Variants in SPAG16 observed in about 807,000 individuals in gnomAD.
The protein encoded by SPAG16 is sperm-associated antigen 16 protein.
SPAG16 carries 86 observed loss-of-function variants against 80.4 expected under a neutral mutation model. That is an observed-to-expected ratio of 1.07 (90% CI 0.90 to 1.28). The LOEUF (loss-of-function observed/expected upper bound fraction) is 1.28, where lower values mean the gene tolerates loss of function less well. SPAG16 is among the 50% of genes most tolerant of loss of function. The probability of loss-of-function intolerance (pLI) is 0.00; values close to 1 mark genes in which losing one functional copy is unlikely to be tolerated. For missense variants in SPAG16, 870 were observed against 765.3 expected, an observed-to-expected ratio of 1.14 and a Z score of -1.61; for synonymous variants, 294 against 265.9, an observed-to-expected ratio of 1.11 and a Z score of -1.03.
At chr2:214,399,063 C>T (rs555432275) in intron 15 of SPAG16, among the ~76,000 whole-genome samples, 37 of 152,220 alleles carry the variant, frequency 2.4e-4, no homozygotes, top group African/African-American at 8.9e-4. Context: ...TAAAAGGAAA[C>T]CTCCATTAGG....
intron 10 of SPAG16, among the ~76,000 whole-genome samples, chr2:213,749,177 A>G (rs2067970850): frequency 6.6e-6 from 1 of 152,014 alleles, no homozygotes; most frequent in Admixed American, 6.6e-5. Flanking sequence ...ACAAAACAAA[A>G]CAAAAAACAC....
At chr2:213,404,182 T>G (rs1450633863) in intron 9 of SPAG16, among the ~76,000 whole-genome samples, 1 of 152,148 alleles carries the variant, frequency 6.6e-6, no homozygotes, top group Non-Finnish European at 1.5e-5. Flanking sequence ...ACCAATGACT[T>G]TCTTCACAGA....
chr2:213,924,219 TC>T (rs1349058037), intron 11 of SPAG16, among the ~76,000 whole-genome samples: 1 of 152,178 alleles, frequency 6.6e-6, no homozygotes, highest in East Asian at 1.9e-4. Context: ...AGGCTTGTAG[TC>T]CCCTTGGACT....
At chr2:214,294,928 T>C (rs565699350) in intron 15 of SPAG16, among the ~76,000 whole-genome samples, 1 of 152,342 alleles carries the variant, frequency 6.6e-6, no homozygotes, top group South Asian at 2.1e-4. Flanking sequence ...CACACTTGAT[T>C]TTTATTTCAC....
chr2:213,954,706 G>A lies in SPAG16; in HGVS notation c.1400+24561G>A, dbSNP rs143773904. ...TGAATTGCTGGATCCCACAGTGACTGTAGGTTAATGTTTAAAAGAGCTACC... is the reference window on the plus strand; with the variant it reads ...TGAATTGCTGGATCCCACAGTGACTATAGGTTAATGTTTAAAAGAGCTACC... On this transcript the variant is annotated intron_variant, in intron 12 of 15. Transcript: ENST00000331683. 5.2e-3 allele frequency among the ~76,000 whole-genome samples: 794 copies of A among 152,216 alleles called. 8 individuals carry two copies. The highest frequency in any genetic ancestry group is 0.038 in the South Asian group (183 of 4,830).
intron 13 of SPAG16, among the ~76,000 whole-genome samples, chr2:214,089,662 C>T (rs960117217): frequency 3.3e-5 from 5 of 151,896 alleles, no homozygotes; most frequent in African/African-American, 4.8e-5. Context: ...AGCATCCTCC[C>T]GCCCCCTTGG....
At chr2:213,869,645 A>AG in intron 11 of SPAG16, among the ~76,000 whole-genome samples, 1 of 60,398 alleles carries the variant, frequency 1.7e-5, no homozygotes, top group Non-Finnish European at 4.5e-5. Flanking sequence ...TGCTTTGAGT[A>AG]GTTTTTTTTT....
chr2:213,742,521 T>A (rs1035476471), intron 10 of SPAG16, among the ~76,000 whole-genome samples: 3 of 151,108 alleles, frequency 2.0e-5, no homozygotes, highest in African/African-American at 7.3e-5. Flanking sequence ...ACACTCTTGA[T>A]CCCTCCTGTC....
chr2:213,975,636 C>G (rs558426087), intron 12 of SPAG16, among the ~76,000 whole-genome samples: 17 of 151,400 alleles, frequency 1.1e-4, no homozygotes, highest in Non-Finnish European at 1.9e-4. Context: ...AGAAAATTCA[C>G]CTGTTAATAC....
intron 10 of SPAG16, among the ~76,000 whole-genome samples, chr2:213,584,113 G>C (rs1384720946): frequency 6.6e-6 from 1 of 152,164 alleles, no homozygotes; most frequent in East Asian, 1.9e-4. Flanking sequence ...CACTCTACTG[G>C]ATGACCCCCT....
chr2:214,047,429 A>C (rs754108215), intron 13 of SPAG16, among the ~76,000 whole-genome samples: 11 of 152,160 alleles, frequency 7.2e-5, no homozygotes, highest in Non-Finnish European at 1.3e-4. Flanking sequence ...AGTGCCGAGA[A>C]CACACACCTG....
intron 10 of SPAG16, among the ~76,000 whole-genome samples, chr2:213,530,202 A>G (rs2076022140): frequency 6.6e-6 from 1 of 152,208 alleles, no homozygotes; most frequent in African/African-American, 2.4e-5. Flanking sequence ...TAAACCAGCA[A>G]CAGCATTATC....
intron 10 of SPAG16, among the ~76,000 whole-genome samples, chr2:213,751,859 C>T (rs2068091322): frequency 6.6e-6 from 1 of 152,286 alleles, no homozygotes; most frequent in African/African-American, 2.4e-5. Flanking sequence ...ATGCTACAAA[C>T]TCTCAGGCCC....
At chr2:214,183,284 C>G (rs183199825) in intron 15 of SPAG16, among the ~76,000 whole-genome samples, 3 of 151,778 alleles carry the variant, frequency 2.0e-5, no homozygotes, top group Non-Finnish European at 4.4e-5. Context: ...ATTACTATGC[C>G]CTATTATAGA....
chr2:213,589,359 G>A (rs1319948971), intron 10 of SPAG16, among the ~76,000 whole-genome samples: 1 of 152,198 alleles, frequency 6.6e-6, no homozygotes, highest in East Asian at 1.9e-4. Flanking sequence ...CTAAATATTT[G>A]TAGGTATTTT....
chr2:214,128,627 G>A (rs181243172), intron 14 of SPAG16, among the ~76,000 whole-genome samples: 4 of 151,766 alleles, frequency 2.6e-5, no homozygotes, highest in Admixed American at 1.3e-4. Flanking sequence ...CTTATCTAAC[G>A]GATTTCAATT....
chr2:213,926,316 T>C (rs1244225301), intron 11 of SPAG16, among the ~76,000 whole-genome samples: 4 of 152,118 alleles, frequency 2.6e-5, no homozygotes, highest in African/African-American at 9.7e-5. Flanking sequence ...TGGTGATTTC[T>C]GAGATTTTGG....
chr2:213,422,137 G>A (rs1163388305), intron 9 of SPAG16: 1 of 694,990 alleles, frequency 1.4e-6, no homozygotes, highest in Admixed American at 2.0e-5. Context: ...CCACTTTGCA[G>A]GTGATGAGAA....
intron 4 of SPAG16, among the ~76,000 whole-genome samples, chr2:213,313,998 G>C (rs530381488): frequency 2.0e-5 from 3 of 151,714 alleles, no homozygotes; most frequent in Non-Finnish European, 4.4e-5. Flanking sequence ...CCTATGCCTT[G>C]GGTGCCACCA....
Sources: allele counts gnomAD v4.1 joint callset (sites outside exome capture counted in the v4.1 genomes callset), GRCh38; gene constraint gnomAD v4.1.1; transcripts MANE v1.5; gene names NCBI Gene and HGNC (gene_info 2026-07-23, HGNC 2026-07-21).